The following NRXN3 variants were observed in gnomAD, a reference collection of about 807,000 sequenced individuals.
The protein encoded by NRXN3 is neurexin 3.
NRXN3 carries 32 observed loss-of-function variants against 137.6 expected under a neutral mutation model. The observed-to-expected ratio is 0.23, with a 90% CI of 0.18 to 0.31. NRXN3 has a LOEUF of 0.31. NRXN3 is among the 10% of genes least tolerant of loss of function. The pLI is 1.00. For synonymous variants in NRXN3, 798 were observed against 784.5 expected (o/e 1.02, Z -0.29); for missense variants, 1,574 against 2,062.5 (o/e 0.76, Z 4.59).
At chr14:78,237,300 A>G (rs1047986211) in intron 1 of NRXN3, among the ~76,000 whole-genome samples, 1 of 152,230 alleles carries the variant, frequency 6.6e-6, no homozygotes, top group Non-Finnish European at 1.5e-5. Context: ...ACCCAACTCA[A>G]ACTTGCTAAA....
intron 10 of NRXN3, among the ~76,000 whole-genome samples, chr14:78,813,160 A>T (rs1047318223): frequency 2.0e-5 from 3 of 152,232 alleles, no homozygotes; most frequent in Non-Finnish European, 4.4e-5. Flanking sequence ...ATTCAAAGAC[A>T]TTTCATTTTT....
chr14:78,192,067 T>A (rs1173139086), intron 1 of NRXN3, among the ~76,000 whole-genome samples: 2 of 11,548 alleles, frequency 1.7e-4, no homozygotes, highest in South Asian at 1.7e-3. Flanking sequence ...TGCCCGAAAG[T>A]GTGTGTGTGT....
intron 15 of NRXN3, among the ~76,000 whole-genome samples, chr14:79,225,306 T>A (rs534499705): frequency 1.3e-5 from 2 of 152,256 alleles, no homozygotes; most frequent in African/African-American, 4.8e-5. Context: ...AGCCAAAGTA[T>A]CTTGCTTTAC....
At chr14:78,680,715 C>G (rs905638396) in intron 6 of NRXN3, among the ~76,000 whole-genome samples, 1 of 152,094 alleles carries the variant, frequency 6.6e-6, no homozygotes, top group Non-Finnish European at 1.5e-5. Flanking sequence ...TAGTTTTTGT[C>G]TGTTGCTGTC....
intron 8 of NRXN3, among the ~76,000 whole-genome samples, chr14:78,718,873 A>G (rs1174598202): frequency 6.6e-6 from 1 of 152,232 alleles, no homozygotes; most frequent in Non-Finnish European, 1.5e-5. Flanking sequence ...CTAATCAGAT[A>G]GGTTGAAATT....
intron 19 of NRXN3, among the ~76,000 whole-genome samples, chr14:79,739,648 CAAAAA>C (rs72347811): frequency 4.7e-4 from 15 of 31,824 alleles, no homozygotes; most frequent in African/African-American, 1.0e-3. Flanking sequence ...GACTCTGCCT[CAAAAA>C]AAAAAAAAAA....
At chr14:79,802,704 A>G (rs976432607) in intron 19 of NRXN3, among the ~76,000 whole-genome samples, 4 of 152,102 alleles carry the variant, frequency 2.6e-5, no homozygotes, top group African/African-American at 4.8e-5. Flanking sequence ...TCCTTTCCCT[A>G]AGTAACTAGA....
chr14:78,624,904 C>T (rs112491162), intron 4 of NRXN3, among the ~76,000 whole-genome samples: 3 of 151,990 alleles, frequency 2.0e-5, no homozygotes, highest in African/African-American at 4.8e-5. Flanking sequence ...TGCAGTGGTG[C>T]GATCTTGGTT....
chr14:79,096,883 C>T (rs536219793), intron 15 of NRXN3, among the ~76,000 whole-genome samples: 2 of 152,244 alleles, frequency 1.3e-5, no homozygotes, highest in Non-Finnish European at 2.9e-5. Context: ...CTGCCACTGA[C>T]AAATCTAGTT....
intron 4 of NRXN3, among the ~76,000 whole-genome samples, chr14:78,582,433 C>T (rs1348063340): frequency 1.3e-5 from 2 of 152,170 alleles, no homozygotes; most frequent in African/African-American, 4.8e-5. Flanking sequence ...GTTTGAATAT[C>T]CCCTTCAAAA....
chr14:78,338,468 A>G (rs558594575), intron 4 of NRXN3, among the ~76,000 whole-genome samples: 36 of 152,278 alleles, frequency 2.4e-4, no homozygotes, highest in Non-Finnish European at 4.4e-4. Context: ...ACTCTTCCTT[A>G]TCAATGAGCC....
intron 10 of NRXN3, among the ~76,000 whole-genome samples, chr14:78,864,474 A>T (rs2099081315): frequency 6.6e-6 from 1 of 152,156 alleles, no homozygotes; most frequent in Admixed American, 6.6e-5. Context: ...TAAAAATGTG[A>T]ATTATTGTCA....
intron 15 of NRXN3, among the ~76,000 whole-genome samples, chr14:79,050,263 C>G (rs918367467): frequency 6.6e-6 from 1 of 152,142 alleles, no homozygotes; most frequent in Non-Finnish European, 1.5e-5. Context: ...TTTTTCAAAG[C>G]ACATTATAAA....
At chr14:79,234,883 G>GA (rs746774433) in intron 15 of NRXN3, among the ~76,000 whole-genome samples, 52 of 151,714 alleles carry the variant, frequency 3.4e-4, no homozygotes, top group Non-Finnish European at 4.7e-4. Context: ...ACTACACTAG[G>GA]AAAAAAAATC....
chr14:79,653,203 T>C lies in NRXN3; in HGVS notation c.3445-10575T>C, dbSNP rs549497702. Among the ~76,000 whole-genome samples the C allele has an allele frequency of 1.1e-4, 17 of 152,298 alleles. No homozygotes were observed. The East Asian group carries it at 3.1e-3, about 28-fold the overall frequency. ...TGACACAGTAGATTCCCCTTGCAGG[T>C]AAACCGAGAGAGCTCAGTTAATCAC... On this transcript the variant is annotated intron_variant, in intron 16 of 20. Transcript: ENST00000335750.
rs544359201 is a variant in NRXN3 at position 79,640,433 on chromosome 14, A to C, written c.3445-23345A>C. ...TTTTCCCATTCCTAATGTCCACACT[A>C]TCTTGACCACTACCAAGAAACACTT... On this transcript the variant is annotated intron_variant, in intron 16 of 20. Coordinates refer to ENST00000335750, the MANE Select transcript of NRXN3 (RefSeq NM_001330195.2). Among the ~76,000 whole-genome samples the C allele has an allele frequency of 6.6e-5, 9 of 135,894 alleles. 3 individuals are homozygous for C. The highest frequency in any genetic ancestry group is 1.5e-4 in the Non-Finnish European group (9 of 58,382). The allele number at this position is 135,894 out of a possible 152,430, so 89.2% of individuals were successfully genotyped here.
At chr14:79,639,518 T>C (rs1485275097) in intron 16 of NRXN3, among the ~76,000 whole-genome samples, 1 of 152,124 alleles carries the variant, frequency 6.6e-6, no homozygotes, top group Non-Finnish European at 1.5e-5. Context: ...TCCTGATTAA[T>C]TTTTGTTAAC....
chr14:78,338,235 CAT>C (rs896424927), intron 4 of NRXN3, among the ~76,000 whole-genome samples: 2 of 152,150 alleles, frequency 1.3e-5, no homozygotes, highest in African/African-American at 4.8e-5. Context: ...CCATTAGCCA[CAT>C]GTGACTACAT....
intron 15 of NRXN3, among the ~76,000 whole-genome samples, chr14:79,298,576 G>A (rs1486680841): frequency 1.3e-5 from 2 of 152,094 alleles, no homozygotes; most frequent in African/African-American, 4.8e-5. Flanking sequence ...AAGGTGTGCT[G>A]AGTAAATGAT....
Sources: gnomAD v4.1 joint callset for allele counts (sites outside exome capture counted in the v4.1 genomes callset) on GRCh38, gnomAD v4.1.1 for gene constraint, MANE v1.5 for transcripts, NCBI Gene and HGNC (gene_info 2026-07-23, HGNC 2026-07-21) for gene names.